ZNF385D: variants seen among roughly 807,000 people sequenced by gnomAD.
The protein encoded by ZNF385D is zinc finger protein 385D.
Under a neutral mutation model 35.8 loss-of-function variants are expected in ZNF385D, and 15 were observed. The ratio of observed to expected loss-of-function variants is 0.42; its 90% CI spans 0.28 to 0.64. The LOEUF (loss-of-function observed/expected upper bound fraction) is 0.64, where lower values mean the gene tolerates loss of function less well. ZNF385D is among the 30% of genes least tolerant of loss of function. The pLI, the probability that ZNF385D is intolerant of heterozygous loss-of-function variation, is 0.23. For synonymous variants in ZNF385D, 212 were observed against 186.8 expected, an observed-to-expected ratio of 1.13 and a Z score of -1.10; for missense variants, 474 against 494.6, an observed-to-expected ratio of 0.96 and a Z score of 0.39.
chr3:21,555,321 C>G (rs928435453), intron 3 of ZNF385D, among the ~76,000 whole-genome samples: 21 of 151,754 alleles, frequency 1.4e-4, no homozygotes, highest in Non-Finnish European at 2.2e-4. Context: ...CACCCATCAA[C>G]CTGTCATCTA....
intron 3 of ZNF385D, among the ~76,000 whole-genome samples, chr3:22,034,661 A>T (rs902740227): frequency 1.3e-5 from 2 of 152,216 alleles, no homozygotes; most frequent in Non-Finnish European, 2.9e-5. Context: ...TTGGTATAAT[A>T]AAATGTTAAT....
intron 3 of ZNF385D, among the ~76,000 whole-genome samples, chr3:21,874,488 CA>C (rs1183212124): frequency 1.3e-5 from 2 of 152,126 alleles, no homozygotes; most frequent in Admixed American, 6.6e-5. Context: ...ACTTGGTATG[CA>C]AAAGCTTTTT....
intron 2 of ZNF385D, among the ~76,000 whole-genome samples, chr3:22,257,192 A>G (rs1418285868): frequency 6.6e-6 from 1 of 151,738 alleles, no homozygotes; most frequent in Non-Finnish European, 1.5e-5. Flanking sequence ...CTGCCCCCAT[A>G]TTTTCAAATT....
chr3:21,918,241 T>A (rs1700288875), intron 3 of ZNF385D, among the ~76,000 whole-genome samples: 1 of 152,176 alleles, frequency 6.6e-6, no homozygotes, highest in South Asian at 2.1e-4. Flanking sequence ...AGACAGTGGA[T>A]GAGTCTTAGG....
At chr3:22,171,814 T>G (rs1694461802) in intron 2 of ZNF385D, among the ~76,000 whole-genome samples, 1 of 147,768 alleles carries the variant, frequency 6.8e-6, no homozygotes, top group South Asian at 2.1e-4. Flanking sequence ...GAGGTAGAGC[T>G]TGCAGTGAGC....
intron 2 of ZNF385D, among the ~76,000 whole-genome samples, chr3:22,255,460 A>T (rs751931369): frequency 6.6e-6 from 1 of 151,976 alleles, no homozygotes; most frequent in East Asian, 1.9e-4. Flanking sequence ...ATTCTTAACA[A>T]GTCTAGATAA....
At chr3:21,988,873 G>A (rs1429404421) in intron 3 of ZNF385D, among the ~76,000 whole-genome samples, 2 of 152,154 alleles carry the variant, frequency 1.3e-5, no homozygotes, top group Non-Finnish European at 2.9e-5. Context: ...CTCTCGTGGT[G>A]CGCCGTTTTT....
chr3:21,867,888 C>T (rs1697459634), intron 3 of ZNF385D, among the ~76,000 whole-genome samples: 1 of 152,054 alleles, frequency 6.6e-6, no homozygotes, highest in Non-Finnish European at 1.5e-5. Flanking sequence ...GCTGGTGCAC[C>T]TCAGAAACTG....
At chr3:21,986,240 G>A (rs1181716418) in intron 3 of ZNF385D, among the ~76,000 whole-genome samples, 1 of 50,942 alleles carries the variant, frequency 2.0e-5, no homozygotes, top group Non-Finnish European at 3.3e-5. Flanking sequence ...TGCTTTTCTA[G>A]TTCTTTTAAT....
At chr3:22,009,239 A>C (rs1696410766) in intron 3 of ZNF385D, among the ~76,000 whole-genome samples, 1 of 152,094 alleles carries the variant, frequency 6.6e-6, no homozygotes, top group Non-Finnish European at 1.5e-5. Context: ...GAAACAGAGA[A>C]AAATTGTAAT....
chr3:22,156,426 T>G (rs553155443), intron 3 of ZNF385D, among the ~76,000 whole-genome samples: 1 of 152,136 alleles, frequency 6.6e-6, no homozygotes, highest in East Asian at 1.9e-4. Context: ...CTCTTCAAAT[T>G]AACTGCAATG....
intron 3 of ZNF385D, among the ~76,000 whole-genome samples, chr3:21,930,323 C>T (rs142394714): frequency 2.1e-3 from 307 of 148,404 alleles, no homozygotes; most frequent in Middle Eastern, 7.0e-3. Flanking sequence ...AACATAACAA[C>T]CAAATCTAAA....
intron 3 of ZNF385D, among the ~76,000 whole-genome samples, chr3:21,898,273 C>T (rs573012651): frequency 2.0e-5 from 3 of 152,096 alleles, no homozygotes; most frequent in Admixed American, 1.3e-4. Flanking sequence ...GGCACATATT[C>T]GCTAATAAAA....
At chr3:21,727,488 C>T (rs567393010) in intron 1 of ZNF385D, among the ~76,000 whole-genome samples, 1 of 151,848 alleles carries the variant, frequency 6.6e-6, no homozygotes, top group Non-Finnish European at 1.5e-5. Context: ...AAAAAAACAA[C>T]CCCATCAAAA....
At chr3:21,667,222 T>A (rs2066434594) in intron 1 of ZNF385D, among the ~76,000 whole-genome samples, 1 of 152,226 alleles carries the variant, frequency 6.6e-6, no homozygotes, top group Admixed American at 6.5e-5. Context: ...AGTGCTGTGG[T>A]GCCATTATGG....
chr3:22,098,920 A>G (rs1429461689), intron 3 of ZNF385D, among the ~76,000 whole-genome samples: 1 of 152,084 alleles, frequency 6.6e-6, no homozygotes, highest in Non-Finnish European at 1.5e-5. Flanking sequence ...AAGTTTTAAC[A>G]CTTGCCTACT....
intron 3 of ZNF385D, among the ~76,000 whole-genome samples, chr3:22,065,284 G>C (rs1699882339): frequency 6.6e-6 from 1 of 152,192 alleles, no homozygotes; most frequent in Non-Finnish European, 1.5e-5. Context: ...AAAGCAAGAT[G>C]GACATCTCTC....
rs556468279 is a variant in ZNF385D at position 22,188,255 on chromosome 3, G to A, written c.107-19220C>T. The stretch of plus-strand genomic sequence containing the variant: ...TAGATTTGTAGTTTCATAAGATACT[G>A]CTGGCAACACTATGGAGAGAGACTC... On this transcript the variant is annotated intron_variant, in intron 2 of 5. Coordinates refer to the ZNF385D transcript ENST00000494108. Among the ~76,000 whole-genome samples the A allele has an allele frequency of 8.7e-4, 132 of 152,290 alleles. 4 individuals carry two copies. In the South Asian group the frequency reaches 0.027, roughly 31 times the overall value.
At chr3:22,348,663 G>C (rs536235822) in intron 2 of ZNF385D, among the ~76,000 whole-genome samples, 3 of 127,848 alleles carry the variant, frequency 2.3e-5, no homozygotes, top group Non-Finnish European at 4.7e-5. Context: ...GCAAAACGCT[G>C]TAGAAAGAAA....
Sources: allele counts gnomAD v4.1 joint callset (sites outside exome capture counted in the v4.1 genomes callset), GRCh38; gene constraint gnomAD v4.1.1; transcripts MANE v1.5; gene names NCBI Gene and HGNC (gene_info 2026-07-23, HGNC 2026-07-21).